The following TEX9 variants were observed in gnomAD, a reference collection of about 807,000 sequenced individuals.
The protein encoded by TEX9 is testis expressed 9, also known as testis-expressed protein 9.
A neutral mutation model predicts 59.6 loss-of-function variants in TEX9; 74 were observed. That is an observed-to-expected ratio of 1.24 (90% CI 1.03 to 1.51). TEX9 has a LOEUF of 1.51. Ranked by LOEUF, TEX9 falls within the 40% of genes most tolerant of loss-of-function variation. The pLI is 0.00. For missense variants in TEX9, 522 were observed against 447.8 expected, an observed-to-expected ratio of 1.17 and a Z score of -1.49; for synonymous variants, 186 against 152.2, an observed-to-expected ratio of 1.22 and a Z score of -1.64.
intron 1 of TEX9, among the ~76,000 whole-genome samples, chr15:56,261,451 C>G (rs1436505422): frequency 6.6e-6 from 1 of 152,124 alleles, no homozygotes; most frequent in East Asian, 1.9e-4. Context: ...GGCGCAGTGG[C>G]TCATGCCTGT....
intron 2 of TEX9, among the ~76,000 whole-genome samples, chr15:56,369,878 T>TA (rs1351831117): frequency 6.6e-6 from 1 of 152,182 alleles, no homozygotes; most frequent in African/African-American, 2.4e-5. Context: ...CAATTATAAT[T>TA]ATAGTTTAAA....
At chr15:56,441,559 G>A (rs1464944245) in intron 12 of TEX9, among the ~76,000 whole-genome samples, 1 of 152,014 alleles carries the variant, frequency 6.6e-6, no homozygotes, top group African/African-American at 2.4e-5. Flanking sequence ...ATTGACAAGT[G>A]GGACCTAGTT....
chr15:56,391,658 C>T (rs746317414), intron 7 of TEX9, among the ~76,000 whole-genome samples: 2 of 151,354 alleles, frequency 1.3e-5, no homozygotes, highest in African/African-American at 2.4e-5. Flanking sequence ...TTGAACTCGC[C>T]TACTTTTATG....
intron 1 of TEX9, among the ~76,000 whole-genome samples, chr15:56,262,230 G>A (rs957067023): frequency 1.3e-5 from 2 of 152,212 alleles, no homozygotes; most frequent in Non-Finnish European, 2.9e-5. Context: ...GGGCCAAAAC[G>A]CATTTTCACA....
intron 1 of TEX9, among the ~76,000 whole-genome samples, chr15:56,278,058 C>G (rs1164289943): frequency 6.6e-6 from 1 of 151,830 alleles, no homozygotes; most frequent in Non-Finnish European, 1.5e-5. Context: ...ATGCTCATCT[C>G]TTTTATAGAT....
the TEX9 span, chr15:56,456,454 G>T: frequency 6.2e-7 from 1 of 1,611,856 alleles, no homozygotes; most frequent in Non-Finnish European, 8.5e-7. Context: ...TTTCAGTTTT[G>T]CCAATTCCAT....
intron 1 of TEX9, among the ~76,000 whole-genome samples, chr15:56,267,730 G>A (rs1369215867): frequency 1.3e-5 from 2 of 152,118 alleles, no homozygotes. Flanking sequence ...GTTTACTGTA[G>A]GGTTGTAGTA....
At position 56,326,089 on chromosome 15, in the gene TEX9, GA is replaced by G. The variant is rs2046014084; in HGVS notation, c.-106-47351del. 2.0e-5 allele frequency among the ~76,000 whole-genome samples: 3 copies of G among 152,306 alleles called. No homozygotes were observed. In the East Asian group the frequency reaches 5.8e-4, roughly 29 times the overall value. The stretch of plus-strand genomic sequence containing the variant: ...CTCAAGAGATGAGGGTCATCCAAGT[GA>G]CAAGTGACTGCTTACATACTGTCAC... On this transcript the variant is annotated intron_variant, in intron 1 of 5. Transcript: ENST00000560827.
chr15:56,269,675 C>A (rs564389486), intron 1 of TEX9, among the ~76,000 whole-genome samples: 3 of 135,636 alleles, frequency 2.2e-5, no homozygotes, highest in Admixed American at 1.5e-4. Context: ...TTTTTTGAGA[C>A]GGAGTCTCGC....
At chr15:56,320,537 GC>G (rs1332744727) in intron 1 of TEX9, among the ~76,000 whole-genome samples, 1 of 152,112 alleles carries the variant, frequency 6.6e-6, no homozygotes, top group African/African-American at 2.4e-5. Context: ...GAGCACATAT[GC>G]ATGAGAGAGA....
intron 1 of TEX9, among the ~76,000 whole-genome samples, chr15:56,270,693 A>G (rs542770143): frequency 6.6e-6 from 1 of 152,248 alleles, no homozygotes; most frequent in African/African-American, 2.4e-5. Context: ...TTAGTTGCTT[A>G]TTTTGCCCAT....
chr15:56,248,547 A>G (rs1181585835), intron 1 of TEX9, among the ~76,000 whole-genome samples: 2 of 152,236 alleles, frequency 1.3e-5, no homozygotes, highest in African/African-American at 4.8e-5. Context: ...AGTATGATGA[A>G]ACAAATGCTA....
chr15:56,332,483 G>C (rs185385270), intron 1 of TEX9, among the ~76,000 whole-genome samples: 38 of 135,894 alleles, frequency 2.8e-4, no homozygotes, highest in South Asian at 2.5e-3. Context: ...GTGGGGGGAG[G>C]GGGGAGGGAT....
intron 1 of TEX9, among the ~76,000 whole-genome samples, chr15:56,305,105 AAAAC>A (rs1278626242): frequency 6.6e-6 from 1 of 152,224 alleles, no homozygotes; most frequent in East Asian, 1.9e-4. Flanking sequence ...TAAAAACTAT[AAAAC>A]ACTGATGCAA....
At chr15:56,298,918 C>G (rs1273571359) in intron 1 of TEX9, among the ~76,000 whole-genome samples, 1 of 152,184 alleles carries the variant, frequency 6.6e-6, no homozygotes, top group Admixed American at 6.5e-5. Context: ...AATTTTTTAT[C>G]TGAGTAAATT....
intron 1 of TEX9, among the ~76,000 whole-genome samples, chr15:56,303,553 A>G (rs1475530029): frequency 1.3e-5 from 2 of 152,180 alleles, no homozygotes; most frequent in Non-Finnish European, 2.9e-5. Flanking sequence ...TACTAAGACC[A>G]AAATTTATAG....
intron 1 of TEX9, among the ~76,000 whole-genome samples, chr15:56,338,666 C>T (rs1433953740): frequency 1.3e-5 from 2 of 152,190 alleles, no homozygotes; most frequent in Non-Finnish European, 2.9e-5. Flanking sequence ...CCTGTAATCC[C>T]AGCACTTTGG....
chr15:56,352,557 A>G (rs1479042275), intron 1 of TEX9, among the ~76,000 whole-genome samples: 2 of 151,870 alleles, frequency 1.3e-5, no homozygotes, highest in Non-Finnish European at 2.9e-5. Context: ...CCCGCCCTGT[A>G]TTTCTATTTC....
At chr15:56,267,565 T>C (rs180993757) in intron 1 of TEX9, among the ~76,000 whole-genome samples, 4,502 of 152,168 alleles carry the variant, frequency 0.03, 215 homozygotes, top group African/African-American at 0.1. Context: ...GTTTTCCTAA[T>C]ACCATTTATT....
Sources: gnomAD v4.1 joint callset for allele counts (sites outside exome capture counted in the v4.1 genomes callset) on GRCh38, gnomAD v4.1.1 for gene constraint, MANE v1.5 for transcripts, NCBI Gene and HGNC (gene_info 2026-07-23, HGNC 2026-07-21) for gene names.